Variants in KRTAP17-1 observed in about 807,000 individuals in gnomAD.
KRTAP17-1 encodes keratin-associated protein 17-1.
Under a neutral mutation model 10.4 loss-of-function variants are expected in KRTAP17-1, and 2 were observed. The observed-to-expected ratio is 0.19, with a 90% CI of 0.08 to 0.61. The LOEUF is 0.61. KRTAP17-1 is among the 20% of genes least tolerant of loss of function. The pLI, the probability that KRTAP17-1 is intolerant of heterozygous loss-of-function variation, is 0.89. For synonymous variants in KRTAP17-1, 62 were observed against 52.7 expected (o/e 1.18, Z -0.77); for missense variants, 143 against 136.8 (o/e 1.05, Z -0.23).
chr17:41,315,324 G>A lies in KRTAP17-1; in HGVS notation c.*9C>T. 1 of 1,595,734 alleles carries A rather than the reference G, an allele frequency of 6.3e-7. No individual in the cohort carries two copies. The highest frequency in any genetic ancestry group is 8.5e-7 in the Non-Finnish European group (1 of 1,174,088). On this transcript the variant is annotated 3_prime_UTR_variant, in exon 1 of 1. Transcript: ENST00000334202. ...GGTGGGACTGCATCAGTGGTGGAGG[G>A]AAAGGTCTTCATTTTGTGTCGCATA... is the stretch of plus-strand genomic sequence containing the variant.
In KRTAP17-1 at chr17:41,315,319, G is replaced by A. The variant is rs1288359188; in HGVS notation, c.*14C>T. The A allele has an allele frequency of 1.9e-6, 3 of 1,591,128 alleles. No homozygotes were observed. The highest frequency in any genetic ancestry group is 2.6e-6 in the Non-Finnish European group (3 of 1,172,128). On this transcript the variant is annotated 3_prime_UTR_variant, in exon 1 of 1. Transcript: ENST00000334202. ...CTTTCGGTGGGACTGCATCAGTGGTGGAGGGAAAGGTCTTCATTTTGTGTC... is the reference window on the plus strand; with the variant it reads ...CTTTCGGTGGGACTGCATCAGTGGTAGAGGGAAAGGTCTTCATTTTGTGTC...
In KRTAP17-1 at chr17:41,315,529, GAGCCCCCACAGCCAC is replaced by G; in HGVS notation, c.107_121del (p.Cys36_Gly40del). 1.4e-6 allele frequency: 2 copies of G among 1,418,998 alleles called. No homozygotes were observed. The highest frequency in any genetic ancestry group is 1.9e-6 in the Non-Finnish European group (2 of 1,027,968). The allele number at this position is 1,418,998 out of a possible 1,614,324, so 87.9% of individuals were successfully genotyped here. A position where few individuals can be genotyped will look rare whatever the true frequency, so the allele number is the denominator to read the frequency against. Reference sequence around the variant, plus strand: ...CCCGCAGCCAGAGCCCCCGCAGCCAGAGCCCCCACAGCCACAGCAGGAGCCGCAGCAGCCACAGCA... The same window carrying G: ...CCCGCAGCCAGAGCCCCCGCAGCCAGAGCAGGAGCCGCAGCAGCCACAGCA... On this transcript the variant is annotated inframe_deletion, in exon 1 of 1. Transcript: ENST00000334202.
rs1410855332 is a variant in KRTAP17-1 at position 41,315,143 on chromosome 17, A to T, written c.*190T>A. On this transcript the variant is annotated 3_prime_UTR_variant, in exon 1 of 1. Transcript: ENST00000334202. ...TGTGACCGAGTTTTAATGTTTCATCAGAGTATGGCTCTTGTTCTCGGTGCC... is the reference window on the plus strand; with the variant it reads ...TGTGACCGAGTTTTAATGTTTCATCTGAGTATGGCTCTTGTTCTCGGTGCC... The T allele has an allele frequency of 6.6e-6, 4 of 603,572 alleles. No individual in the cohort carries two copies. Among genetic ancestry groups the T allele is most frequent in the Non-Finnish European group, 1.2e-5 (4 of 346,290 alleles). 37.4% of individuals were successfully genotyped at this position (603,572 alleles called of 1,614,324 possible). A position where few individuals can be genotyped will look rare whatever the true frequency, so the allele number is the denominator to read the frequency against.
At position 41,315,561 on chromosome 17, in the gene KRTAP17-1, G is replaced by T; in HGVS notation, c.90C>A (p.Gly30=). Residue 30 remains glycine (G), a synonymous_variant, in exon 1 of 1, where the codon GGC becomes GGA. Transcript: ENST00000334202. ...EECCCQPGCC[G]CCGSCCGCGG... The stretch of plus-strand genomic sequence containing the variant: ...CACAGCCACAGCAGGAGCCGCAGCA[G>T]CCACAGCAGCCCGGCTGACAGCAGC... 2 of 1,613,198 alleles carry T rather than the reference G, an allele frequency of 1.2e-6. No individual in the cohort carries two copies. Among genetic ancestry groups the T allele is most frequent in the Non-Finnish European group, 1.7e-6 (2 of 1,179,620 alleles).
At position 41,315,516 on chromosome 17, in the gene KRTAP17-1, G is replaced by A. The variant is rs769727730; in HGVS notation, c.135C>T (p.Gly45=). 6.5e-7 allele frequency: 1 copy of A among 1,541,532 alleles called. No homozygotes were observed. Among genetic ancestry groups the A allele is most frequent in the Non-Finnish European group, 8.7e-7 (1 of 1,147,754 alleles). Residue 45 remains glycine, a synonymous_variant, in exon 1 of 1, where the codon GGC becomes GGT. Coordinates refer to ENST00000334202, the MANE Select transcript of KRTAP17-1 (RefSeq NM_031964.2). ...CGCAGCAGCTGCCCCCGCAGCCAGA[G>A]CCCCCGCAGCCAGAGCCCCCACAGC... ...CCGCGGSGCG[G]SGCGGSCCGS...
chr17:41,315,348 T>A lies in KRTAP17-1; in HGVS notation c.303A>T (p.Ile101=). 6.2e-7 allele frequency: 1 copy of A among 1,608,710 alleles called. No homozygotes were observed. The highest frequency in any genetic ancestry group is 2.2e-5 in the East Asian group (1 of 44,814). The stretch of plus-strand genomic sequence containing the variant: ...GGAAAGGTCTTCATTTTGTGTCGCA[T>A]ATAGGTGTGGGCTGGCAGCACACAG... ...CGPVCCQPTP[I]CDTK Residue 101 remains isoleucine, a synonymous_variant, in exon 1 of 1, where the codon ATA becomes ATT. Coordinates refer to ENST00000334202, the MANE Select transcript of KRTAP17-1 (RefSeq NM_031964.2).
In KRTAP17-1 at chr17:41,315,469, C is replaced by A. The variant is rs755747361; in HGVS notation, c.182G>T (p.Gly61Val). Residue 61 changes from glycine to valine, a missense_variant, in exon 1 of 1, where the codon GGC becomes GTC. Gly to Val is a moderately radical substitution (Grantham distance 109). Coordinates refer to ENST00000334202, the MANE Select transcript of KRTAP17-1 (RefSeq NM_031964.2). ...TCCGCAGCCTCCACAGCCTCCGCAG[C>A]CAGATCCACAGCAAGACGATCCGCA... is the stretch of plus-strand genomic sequence containing the variant. ...SCCGSSCCGS[G>V]CGGCGGCGGC... The A allele has an allele frequency of 6.3e-7, 1 of 1,599,406 alleles. No homozygotes were observed. The highest frequency in any genetic ancestry group is 8.5e-7 in the Non-Finnish European group (1 of 1,172,496).
chr17:41,315,242 G>A lies in KRTAP17-1; in HGVS notation c.*91C>T. The A allele has an allele frequency of 8.9e-6, 11 of 1,239,930 alleles. No homozygotes were observed. The highest frequency in any genetic ancestry group is 1.2e-5 in the Non-Finnish European group (11 of 884,708). 76.8% of individuals were successfully genotyped at this position (1,239,930 alleles called of 1,614,324 possible). A position where few individuals can be genotyped will look rare whatever the true frequency, so the allele number is the denominator to read the frequency against. On this transcript the variant is annotated 3_prime_UTR_variant, in exon 1 of 1. Coordinates refer to ENST00000334202, the MANE Select transcript of KRTAP17-1 (RefSeq NM_031964.2). ...ACAGAAAGACAAGACACTGTCTTGG[G>A]GGTATGGAAGGTTCTGGACACGAGG...
chr17:41,315,646 C>A lies in KRTAP17-1; in HGVS notation c.5G>T (p.Gly2Val), dbSNP rs763781889. Reference protein sequence around the residue: MGCCPGDCFTCC... With the variant: MVCCPGDCFTCC... ...GGTGAAGCAGTCCCCCGGGCAGCAC[C>A]CCATGGTCCGGGCCCGTCAGCTCGC... Residue 2 changes from glycine (G) to valine (V), a missense_variant, in exon 1 of 1, where the codon GGG (glycine) becomes GTG (valine). By Grantham distance (109) the Gly-to-Val change is moderately radical. Transcript: ENST00000334202. 1.2e-6 allele frequency: 2 copies of A among 1,600,170 alleles called. No homozygotes were observed. The highest frequency in any genetic ancestry group is 1.3e-5 in the African/African-American group (1 of 74,854).
rs749455809 is a variant in KRTAP17-1 at position 41,315,520 on chromosome 17, C to A, written c.131G>T (p.Gly44Val). 5.6e-6 allele frequency: 9 copies of A among 1,601,784 alleles called. No individual in the cohort carries two copies. Among genetic ancestry groups the A allele is most frequent in the Middle Eastern group, 1.7e-4 (1 of 6,016 alleles). ...GCAGCTGCCCCCGCAGCCAGAGCCCCCGCAGCCAGAGCCCCCACAGCCACA... is the reference window on the plus strand; with the variant it reads ...GCAGCTGCCCCCGCAGCCAGAGCCCACGCAGCCAGAGCCCCCACAGCCACA... The part of the protein sequence containing the change: ...SCCGCGGSGC[G>V]GSGCGGSCCG... The change falls in exon 1 of 1, where the codon GGG becomes GTG. Residue 44 changes from glycine (G) to valine (V), a missense_variant. Coordinates refer to ENST00000334202, the MANE Select transcript of KRTAP17-1 (RefSeq NM_031964.2).
chr17:41,315,664 C>G lies in KRTAP17-1; in HGVS notation c.-14G>C. 1 of 1,579,232 alleles carries G rather than the reference C, an allele frequency of 6.3e-7. No individual in the cohort carries two copies. Among genetic ancestry groups the G allele is most frequent in the Non-Finnish European group, 8.6e-7 (1 of 1,159,112 alleles). ...GCAGCACCCCATGGTCCGGGCCCGT[C>G]AGCTCGCAGGTCGGTAACGCAGCCG... On this transcript the variant is annotated 5_prime_UTR_variant, in exon 1 of 1. Transcript: ENST00000334202.
rs753813734 is a variant in KRTAP17-1, at chr17:41,315,661, C to G, written c.-11G>C. Reference sequence around the variant, plus strand: ...CGGGCAGCACCCCATGGTCCGGGCCCGTCAGCTCGCAGGTCGGTAACGCAG... The same window carrying G: ...CGGGCAGCACCCCATGGTCCGGGCCGGTCAGCTCGCAGGTCGGTAACGCAG... On this transcript the variant is annotated 5_prime_UTR_variant, in exon 1 of 1. Transcript: ENST00000334202. 6.3e-7 allele frequency: 1 copy of G among 1,580,896 alleles called. No individual in the cohort carries two copies. Among genetic ancestry groups the G allele is most frequent in the Non-Finnish European group, 8.6e-7 (1 of 1,159,932 alleles).
rs1381850663 is a variant in KRTAP17-1 at position 41,315,355 on chromosome 17, G to A, written c.296C>T (p.Thr99Ile). ...TCTTCATTTTGTGTCGCATATAGGT[G>A]TGGGCTGGCAGCACACAGGCCCACA... ...GCCGPVCCQPTPICDTK is the reference protein window; with the variant it reads ...GCCGPVCCQPIPICDTK The change falls in exon 1 of 1, where the codon ACA (threonine) becomes ATA (isoleucine). Residue 99 changes from threonine (T) to isoleucine (I), a missense_variant. Physicochemically the swap from Thr to Ile is moderately conservative, Grantham distance 89. Transcript: ENST00000334202. 7 of 1,609,686 alleles carry A rather than the reference G, an allele frequency of 4.3e-6. No individual in the cohort carries two copies. Among genetic ancestry groups the A allele is most frequent in the Non-Finnish European group, 5.9e-6 (7 of 1,179,730 alleles).
Position 41,315,431 on chromosome 17 carries a change from C to T in KRTAP17-1, c.220G>A (p.Gly74Ser), listed in dbSNP as rs763414490. 2.5e-6 allele frequency: 4 copies of T among 1,609,258 alleles called. No individual in the cohort carries two copies. The highest frequency in any genetic ancestry group is 2.7e-5 in the African/African-American group (2 of 74,786). The change falls in exon 1 of 1, where the codon GGC becomes AGC. Residue 74 changes from glycine (G) to serine (S), a missense_variant. Coordinates refer to ENST00000334202, the MANE Select transcript of KRTAP17-1 (RefSeq NM_031964.2). ...GCGGCGGCGG[G>S]CCGSSCCGSS... is the part of the protein sequence containing the mutation. ...CCACAGCAACTGGATCCACAGCAGC[C>T]ACCCCCGCAGCCTCCGCAGCCTCCA...
Position 41,315,701 on chromosome 17 carries a change from G to T in KRTAP17-1, c.-51C>A, listed in dbSNP as rs751879115. ...CGGTAACGCAGCCGGAGTTCCCCAC[G>T]ACTGACGGTGGCCAGCCATCTGGAT... On this transcript the variant is annotated 5_prime_UTR_variant, in exon 1 of 1. Transcript: ENST00000334202. 9.3e-6 allele frequency: 14 copies of T among 1,509,394 alleles called. No homozygotes were observed. The highest frequency in any genetic ancestry group is 7.6e-5 in the South Asian group (6 of 78,498). 93.5% of individuals were successfully genotyped at this position (1,509,394 alleles called of 1,614,324 possible). A position where few individuals can be genotyped will look rare whatever the true frequency, so the allele number is the denominator to read the frequency against.
At position 41,315,262 on chromosome 17, in the gene KRTAP17-1, A is replaced by G; in HGVS notation, c.*71T>C. 2 of 1,456,450 alleles carry G rather than the reference A, an allele frequency of 1.4e-6. No homozygotes were observed. Among genetic ancestry groups the G allele is most frequent in the Non-Finnish European group, 1.9e-6 (2 of 1,071,274 alleles). 90.2% of individuals were successfully genotyped at this position (1,456,450 alleles called of 1,614,324 possible). A position where few individuals can be genotyped will look rare whatever the true frequency, so the allele number is the denominator to read the frequency against. ...CTTGGGGGTATGGAAGGTTCTGGACACGAGGGGCTGTCCCCCTGGAGCAGA... is the reference window on the plus strand; with the variant it reads ...CTTGGGGGTATGGAAGGTTCTGGACGCGAGGGGCTGTCCCCCTGGAGCAGA... On this transcript the variant is annotated 3_prime_UTR_variant, in exon 1 of 1. Coordinates refer to ENST00000334202, the MANE Select transcript of KRTAP17-1 (RefSeq NM_031964.2).
At position 41,315,141 on chromosome 17, in the gene KRTAP17-1, T is replaced by A; in HGVS notation, c.*192A>T. 1.7e-6 allele frequency: 1 copy of A among 602,830 alleles called. No homozygotes were observed. Among genetic ancestry groups the A allele is most frequent in the South Asian group, 2.2e-5 (1 of 45,298 alleles). The allele number at this position is 602,830 out of a possible 1,614,324, so 37.3% of individuals were successfully genotyped here. On this transcript the variant is annotated 3_prime_UTR_variant, in exon 1 of 1. Coordinates refer to ENST00000334202, the MANE Select transcript of KRTAP17-1 (RefSeq NM_031964.2). ...GTTGTGACCGAGTTTTAATGTTTCA[T>A]CAGAGTATGGCTCTTGTTCTCGGTG...
rs767020138 is a variant in KRTAP17-1, at chr17:41,315,465, G to A, written c.186C>T (p.Cys62=). The A allele has an allele frequency of 3.1e-6, 5 of 1,599,468 alleles. No homozygotes were observed. In the African/African-American group the frequency reaches 5.4e-5, roughly 17 times the overall value. The change falls in exon 1 of 1, where the codon TGC becomes TGT. Residue 62 remains cysteine, a synonymous_variant. Coordinates refer to ENST00000334202, the MANE Select transcript of KRTAP17-1 (RefSeq NM_031964.2). ...AGCCTCCGCAGCCTCCACAGCCTCCGCAGCCAGATCCACAGCAAGACGATC... is the reference window on the plus strand; with the variant it reads ...AGCCTCCGCAGCCTCCACAGCCTCCACAGCCAGATCCACAGCAAGACGATC... ...CCGSSCCGSG[C]GGCGGCGGCG...
rs773643970 is a variant in KRTAP17-1, at chr17:41,315,438, GCAGCCTCCGCAGCCTCCA to G, written c.195_212del (p.Cys68_Gly73del). The G allele has an allele frequency of 1.0e-5, 16 of 1,603,092 alleles. No individual in the cohort carries two copies. The highest frequency in any genetic ancestry group is 1.7e-5 in the Admixed American group (1 of 58,004). On this transcript the variant is annotated inframe_deletion, in exon 1 of 1. Transcript: ENST00000334202. Reference sequence around the variant, plus strand: ...AACTGGATCCACAGCAGCCACCCCCGCAGCCTCCGCAGCCTCCACAGCCTCCGCAGCCAGATCCACAGC... The same window carrying G: ...AACTGGATCCACAGCAGCCACCCCCGCAGCCTCCGCAGCCAGATCCACAGC...
Sources: gnomAD v4.1 joint callset for allele counts on GRCh38, gnomAD v4.1.1 for gene constraint, MANE v1.5 for transcripts, NCBI Gene and HGNC (gene_info 2026-07-23, HGNC 2026-07-21) for gene names.